Variants in RANBP17 observed in about 807,000 individuals in gnomAD.
RANBP17 encodes the protein ran-binding protein 17.
In RANBP17, 158 loss-of-function variants were observed where a neutral mutation model predicts 141.2. The ratio of observed to expected loss-of-function variants is 1.12; its 90% CI spans 0.98 to 1.28. The LOEUF (loss-of-function observed/expected upper bound fraction) is 1.28. Ranked by LOEUF, RANBP17 falls within the 50% of genes most tolerant of loss-of-function variation. The probability of loss-of-function intolerance (pLI) is 0.00; values close to 1 mark genes in which losing one functional copy is unlikely to be tolerated. For synonymous variants in RANBP17, 430 were observed against 450.0 expected (o/e 0.96, Z 0.56); for missense variants, 1,438 against 1,290.7 (o/e 1.11, Z -1.75).
In RANBP17 at chr5:171,164,872, G is replaced by A. The variant is rs932415160; in HGVS notation, c.1711-5258G>A. 2.0e-5 allele frequency among the ~76,000 whole-genome samples: 3 copies of A among 152,188 alleles called. No individual in the cohort carries two copies. The East Asian group carries it at 5.8e-4, about 29-fold the overall frequency. ...ATGCAATTTCTGAGTGTTACTAGAAGGTGTTAATTGAACATATTTGTAAAG... is the reference window on the plus strand; with the variant it reads ...ATGCAATTTCTGAGTGTTACTAGAAAGTGTTAATTGAACATATTTGTAAAG... On this transcript the variant is annotated intron_variant, in intron 14 of 27. Transcript: ENST00000523189.
chr5:171,154,298 A>G (rs1370031196), intron 14 of RANBP17, among the ~76,000 whole-genome samples: 4 of 152,036 alleles, frequency 2.6e-5, no homozygotes, highest in Admixed American at 2.0e-4. Context: ...TTTTTCTGAG[A>G]CGGAGTCTTG....
In RANBP17 at chr5:170,955,621, ATATATATATATATATATATGCTCAGTG is replaced by A. The variant is rs1561927926; in HGVS notation, c.1574+1939_1574+1965del. Among the ~76,000 whole-genome samples the A allele has an allele frequency of 3.9e-4, 30 of 76,142 alleles. 2 individuals carry two copies. Among genetic ancestry groups the A allele is most frequent in the African/African-American group, 1.9e-3 (30 of 15,888 alleles). The allele number at this position is 76,142 out of a possible 152,430, so 50.0% of individuals were successfully genotyped here. ...ATATATATATATATGCTCAGTGTATATATATATATATATATATATGCTCAGTGTATATATATATATATATATATATAT... is the reference window on the plus strand; with the variant it reads ...ATATATATATATATGCTCAGTGTATATATATATATATATATATATATATAT... On this transcript the variant is annotated intron_variant, in intron 13 of 27. Coordinates refer to ENST00000523189, the MANE Select transcript of RANBP17 (RefSeq NM_022897.5).
At chr5:171,264,239 C>G (rs1311103200) in intron 24 of RANBP17, among the ~76,000 whole-genome samples, 1 of 152,012 alleles carries the variant, frequency 6.6e-6, no homozygotes, top group Non-Finnish European at 1.5e-5. Flanking sequence ...TCTGGGGACT[C>G]AGGTAGAAGG....
At chr5:171,123,282 C>T (rs184009891) in intron 14 of RANBP17, among the ~76,000 whole-genome samples, 7 of 152,286 alleles carry the variant, frequency 4.6e-5, no homozygotes, top group South Asian at 2.1e-4. Context: ...GACCCAAGGA[C>T]GTACCTGCCC....
At chr5:171,183,627 C>G (rs1337027996) in intron 18 of RANBP17, among the ~76,000 whole-genome samples, 197 bp downstream of exon 18, 1 of 152,196 alleles carries the variant, frequency 6.6e-6, no homozygotes, top group African/African-American at 2.4e-5. Flanking sequence ...CTTAAGGTGG[C>G]ATTTTTCACT....
intron 14 of RANBP17, among the ~76,000 whole-genome samples, chr5:171,150,366 A>C (rs566044729): frequency 6.6e-6 from 1 of 152,188 alleles, no homozygotes; most frequent in South Asian, 2.1e-4. Flanking sequence ...ATAGTGTGAT[A>C]ACACTAATAA....
At chr5:171,124,297 C>G (rs189278096) in intron 14 of RANBP17, among the ~76,000 whole-genome samples, 1 of 151,808 alleles carries the variant, frequency 6.6e-6, no homozygotes, top group East Asian at 1.9e-4. Flanking sequence ...TGAAATTATA[C>G]AGGCAGAGAA....
intron 23 of RANBP17, 56 bp from the exon 24 acceptor site, chr5:171,242,626 G>T: frequency 6.3e-7 from 1 of 1,578,392 alleles, no homozygotes; most frequent in Non-Finnish European, 8.6e-7. Context: ...TCACTGGACT[G>T]TAACATGTAT....
intron 14 of RANBP17, among the ~76,000 whole-genome samples, chr5:171,169,890 A>G (rs1011234785): frequency 6.6e-6 from 1 of 152,028 alleles, no homozygotes; most frequent in African/African-American, 2.4e-5. Flanking sequence ...TAAAATGGAT[A>G]TATGAGTGTG....
intron 14 of RANBP17, among the ~76,000 whole-genome samples, chr5:171,147,388 TG>T (rs1332479711): frequency 3.0e-5 from 4 of 132,440 alleles, no homozygotes; most frequent in African/African-American, 5.6e-5. Flanking sequence ...TGTGGTTGTT[TG>T]TTTTTTTGTG....
chr5:171,194,828 C>T (rs1324418292), intron 18 of RANBP17, among the ~76,000 whole-genome samples: 1 of 152,208 alleles, frequency 6.6e-6, no homozygotes, highest in Non-Finnish European at 1.5e-5. Context: ...TAGCATTTTA[C>T]ATTTCCACCC....
intron 18 of RANBP17, among the ~76,000 whole-genome samples, chr5:171,183,766 C>T (rs1274433130): frequency 6.6e-6 from 1 of 152,224 alleles, no homozygotes. Context: ...CAAAGATTTT[C>T]GTCATAGTGA....
intron 12 of RANBP17, among the ~76,000 whole-genome samples, chr5:170,934,969 T>C (rs7735307): frequency 0.64 from 97,775 of 152,138 alleles, 32,136 homozygotes; most frequent in South Asian, 0.89. Context: ...GGTCTTTTCA[T>C]GTAGTCCCAT....
chr5:170,940,317 A>G (rs1167587990), intron 12 of RANBP17, among the ~76,000 whole-genome samples: 1 of 152,222 alleles, frequency 6.6e-6, no homozygotes, highest in East Asian at 1.9e-4. Flanking sequence ...CCAGGAAGGT[A>G]CAGGTTGAGC....
intron 25 of RANBP17, among the ~76,000 whole-genome samples, 177 bp from the exon 26 acceptor site, chr5:171,293,706 T>TG (rs1288665792): frequency 2.0e-5 from 3 of 152,196 alleles, no homozygotes; most frequent in Admixed American, 2.0e-4. Flanking sequence ...TGGGGGTCTT[T>TG]GCCAACAGTT....
chr5:171,229,658 G>A (rs1764088185), intron 22 of RANBP17, among the ~76,000 whole-genome samples: 1 of 150,084 alleles, frequency 6.7e-6, no homozygotes, highest in Non-Finnish European at 1.5e-5. Flanking sequence ...GCCTCCCAAA[G>A]TGCCAGGATT....
chr5:171,233,517 TAAAC>T (rs1407526386), intron 22 of RANBP17, among the ~76,000 whole-genome samples: 2 of 151,694 alleles, frequency 1.3e-5, no homozygotes, highest in East Asian at 1.9e-4. Context: ...AGTGGATAAA[TAAAC>T]AACAGTACAC....
chr5:170,928,908 G>T (rs1051802180), intron 12 of RANBP17, among the ~76,000 whole-genome samples: 5 of 151,794 alleles, frequency 3.3e-5, no homozygotes, highest in Admixed American at 6.6e-5. Flanking sequence ...ATCAGTTTGG[G>T]CCAGGTTAAC....
chr5:171,240,057 A>T (rs1238574795), intron 22 of RANBP17, among the ~76,000 whole-genome samples: 1 of 152,234 alleles, frequency 6.6e-6, no homozygotes, highest in Non-Finnish European at 1.5e-5. Flanking sequence ...CCACTATATT[A>T]TACTTCTAAA....
Sources: allele counts gnomAD v4.1 joint callset (sites outside exome capture counted in the v4.1 genomes callset), GRCh38; gene constraint gnomAD v4.1.1; transcripts MANE v1.5; gene names NCBI Gene and HGNC (gene_info 2026-07-23, HGNC 2026-07-21).